KLHDC7B: variants seen among roughly 807,000 people sequenced by gnomAD.
The protein encoded by KLHDC7B is kelch domain containing 7B, also known as kelch domain-containing protein 7B.
KLHDC7B carries 1 observed loss-of-function variant against 0.6 expected under a neutral mutation model. The ratio of observed to expected loss-of-function variants is 1.71; its 90% CI spans 0.61 to 8.11. The LOEUF is 8.11. Among genes scored for constraint, KLHDC7B ranks in the 30% most tolerant of loss-of-function variants. The probability of loss-of-function intolerance (pLI) is 0.13; values close to 1 mark genes in which losing one functional copy is unlikely to be tolerated. For missense variants in KLHDC7B, 993 were observed against 894.9 expected, an observed-to-expected ratio of 1.11 and a Z score of -1.40; for synonymous variants, 462 against 405.2, an observed-to-expected ratio of 1.14 and a Z score of -1.68.
rs2069786639 is a variant in KLHDC7B at position 50,549,801 on chromosome 22, C to T, written c.3558C>T (p.Asn1186=). The T allele has an allele frequency of 6.4e-7, 1 of 1,574,440 alleles. No individual in the cohort carries two copies. The highest frequency in any genetic ancestry group is 1.4e-5 in the African/African-American group (1 of 74,022). Reference sequence around the variant, plus strand: ...TGGGCAACACCATTTACTGCCTCAACCCCCAGGTCACTGCCACCTTCACGG... The same window carrying T: ...TGGGCAACACCATTTACTGCCTCAATCCCCAGGTCACTGCCACCTTCACGG... ...TTLGNTIYCL[N]PQVTATFTVS... is the part of the protein sequence containing the mutation. The change falls in exon 1 of 1, where the codon AAC becomes AAT. Residue 1186 remains asparagine (N), a synonymous_variant. Coordinates refer to ENST00000648057, the MANE Select transcript of KLHDC7B (RefSeq NM_138433.5).
chr22:50,548,523 CTCT>C lies in KLHDC7B; in HGVS notation c.2281_2283del (p.Ser761del). On this transcript the variant is annotated inframe_deletion, in exon 1 of 1. Coordinates refer to ENST00000648057, the MANE Select transcript of KLHDC7B (RefSeq NM_138433.5). The surrounding 1 kb of genome is among the most constrained non-coding windows in gnomAD (Gnocchi z 5.3). ...GGCCGCCTGGCCCCGCGGCCTCCTCCTCTGCGAGGCGCTCACAGCCGGTACCCC... is the reference window on the plus strand; with the variant it reads ...GGCCGCCTGGCCCCGCGGCCTCCTCCGCGAGGCGCTCACAGCCGGTACCCC... The C allele has an allele frequency of 6.4e-7, 1 of 1,554,190 alleles. No homozygotes were observed. The highest frequency in any genetic ancestry group is 8.7e-7 in the Non-Finnish European group (1 of 1,149,338).
In KLHDC7B at chr22:50,549,694, C is replaced by G. The variant is rs750273973; in HGVS notation, c.3451C>G (p.Arg1151Gly). 1 of 1,565,748 alleles carries G rather than the reference C, an allele frequency of 6.4e-7. No homozygotes were observed. Among genetic ancestry groups the G allele is most frequent in the Non-Finnish European group, 8.6e-7 (1 of 1,156,214 alleles). The change falls in exon 1 of 1, where the codon CGC becomes GGC. Residue 1151 changes from arginine to glycine, a missense_variant. Physicochemically the swap from Arg to Gly is moderately radical, Grantham distance 125. Transcript: ENST00000648057. ...GCGGGGCGTGGGCGCCGCCGTGATG[C>G]GCTACAACACAGTGACCGGCTCCTG... ...LLRGVGAAVM[R>G]YNTVTGSWSR...
Position 50,549,511 on chromosome 22 carries a change from C to T in KLHDC7B, c.3268C>T (p.Arg1090Cys), listed in dbSNP as rs747068112. The T allele has an allele frequency of 5.0e-6, 8 of 1,610,958 alleles. No individual in the cohort carries two copies. Among genetic ancestry groups the T allele is most frequent in the Non-Finnish European group, 6.8e-6 (8 of 1,178,784 alleles). The part of the protein sequence containing the change: ...FPVAHEAVAC[R>C]GDIYVTGGHL... Reference sequence around the variant, plus strand: ...TGTGGCCCACGAGGCTGTGGCCTGCCGTGGGGACATCTACGTCACCGGGGG... The same window carrying T: ...TGTGGCCCACGAGGCTGTGGCCTGCTGTGGGGACATCTACGTCACCGGGGG... Residue 1090 changes from arginine (R) to cysteine (C), a missense_variant, in exon 1 of 1, where the codon CGT (arginine) becomes TGT (cysteine). Arg to Cys is a radical substitution (Grantham distance 180). Coordinates refer to ENST00000648057, the MANE Select transcript of KLHDC7B (RefSeq NM_138433.5).
Position 50,546,098 on chromosome 22 carries a change from G to C in KLHDC7B, c.-146G>C, listed in dbSNP as rs1374611132. ...ACCCCCAGGCCTGAGTGCAAGCAGA[G>C]ACCCCACCATTCCCAGGCCCTGGAG... is the stretch of plus-strand genomic sequence containing the variant. On this transcript the variant is annotated 5_prime_UTR_variant, in exon 1 of 1. Coordinates refer to ENST00000648057, the MANE Select transcript of KLHDC7B (RefSeq NM_138433.5). Among the ~76,000 whole-genome samples the C allele has an allele frequency of 6.6e-6, 1 of 152,280 alleles. No individual in the cohort carries two copies. Among genetic ancestry groups the C allele is most frequent in the Non-Finnish European group, 1.5e-5 (1 of 68,010 alleles).
Position 50,548,488 on chromosome 22 carries a change from C to A in KLHDC7B, c.2245C>A (p.Pro749Thr). The change falls in exon 1 of 1, where the codon CCC (proline) becomes ACC (threonine). Residue 749 changes from proline (P) to threonine (T), a missense_variant. Transcript: ENST00000648057. This position sits in a 1 kb window ranked among gnomAD's most constrained non-coding sequence, Gnocchi z 5.3. ...AAMPRGPAQP[P>T]AQRPPGPAAS... ...GATGCCCAGGGGCCCCGCACAGCCC[C>A]CCGCGCAGAGGCCGCCTGGCCCCGC... The A allele has an allele frequency of 6.4e-7, 1 of 1,569,740 alleles. No homozygotes were observed. The highest frequency in any genetic ancestry group is 2.3e-5 in the East Asian group (1 of 43,076).
Position 50,546,466 on chromosome 22 carries a change from G to A in KLHDC7B, c.223G>A (p.Ala75Thr). ...TCATCAGGCAGGAGGAGCTGAGCTG[G>A]CCCTGCAACCGAAGTCTAAGGTCAG... ...QPHQAGGAEL[A>T]LQPKSKVSDG... Residue 75 changes from alanine to threonine, a missense_variant, in exon 1 of 1, where the codon GCC (alanine) becomes ACC (threonine). Transcript: ENST00000648057. 2.5e-6 allele frequency: 1 copy of A among 399,452 alleles called. No homozygotes were observed. Among genetic ancestry groups the A allele is most frequent in the Non-Finnish European group, 4.4e-6 (1 of 226,414 alleles). 24.7% of individuals were successfully genotyped at this position (399,452 alleles called of 1,614,324 possible).
Position 50,549,423 on chromosome 22 carries a change from G to A in KLHDC7B, c.3180G>A (p.Glu1060=). 2 of 1,612,766 alleles carry A rather than the reference G, an allele frequency of 1.2e-6. No homozygotes were observed. The highest frequency in any genetic ancestry group is 1.6e-4 in the Middle Eastern group (1 of 6,062). ...AIGGECLYSM[E]CYDPRTDAWT... is the part of the protein sequence containing the mutation. Reference sequence around the variant, plus strand: ...GTGGCGAATGCCTGTACAGCATGGAGTGCTACGACCCGCGAACAGACGCCT... The same window carrying A: ...GTGGCGAATGCCTGTACAGCATGGAATGCTACGACCCGCGAACAGACGCCT... Residue 1060 remains glutamate (E), a synonymous_variant, in exon 1 of 1, where the codon GAG becomes GAA. Transcript: ENST00000648057.
Position 50,549,106 on chromosome 22 carries a change from G to A in KLHDC7B, c.2863G>A (p.Val955Met). 2 of 1,601,332 alleles carry A rather than the reference G, an allele frequency of 1.2e-6. No individual in the cohort carries two copies. Among genetic ancestry groups the A allele is most frequent in the Non-Finnish European group, 1.7e-6 (2 of 1,179,692 alleles). ...RGEEPPAAAP[V>M]SLPLPAHLHV... The stretch of plus-strand genomic sequence containing the variant: ...CGAGGAGCCTCCTGCGGCGGCCCCT[G>A]TGTCCCTGCCTCTACCTGCGCACCT... Residue 955 changes from valine to methionine, a missense_variant, in exon 1 of 1, where the codon GTG (valine) becomes ATG (methionine). Coordinates refer to ENST00000648057, the MANE Select transcript of KLHDC7B (RefSeq NM_138433.5).
chr22:50,550,319 G>C lies in KLHDC7B; in HGVS notation c.*368G>C, dbSNP rs1436328361. On this transcript the variant is annotated 3_prime_UTR_variant, in exon 1 of 1. Transcript: ENST00000648057. ...GCTCTGCTGAGCCGAGAGAGGAGGG[G>C]GTAGAAAACATTCACACTTCCTATG... is the stretch of plus-strand genomic sequence containing the variant. 1 of 255,204 alleles carries C rather than the reference G, an allele frequency of 3.9e-6. No individual in the cohort carries two copies. Among genetic ancestry groups the C allele is most frequent in the Admixed American group, 5.5e-5 (1 of 18,238 alleles). The allele number at this position is 255,204 out of a possible 1,614,324, so 15.8% of individuals were successfully genotyped here. A position where few individuals can be genotyped will look rare whatever the true frequency, so the allele number is the denominator to read the frequency against.
In KLHDC7B at chr22:50,548,102, G is replaced by C. The variant is rs2069754491; in HGVS notation, c.1859G>C (p.Ser620Thr). The C allele has an allele frequency of 6.9e-7, 1 of 1,441,756 alleles. No homozygotes were observed. Among genetic ancestry groups the C allele is most frequent in the South Asian group, 1.4e-5 (1 of 69,322 alleles). 89.3% of individuals were successfully genotyped at this position (1,441,756 alleles called of 1,614,324 possible). ...GCTGACGGGTCAAAGCCTCAGGAGAGTGTGGCTCTCCCCAGGCGCTACCAG... is the reference window on the plus strand; with the variant it reads ...GCTGACGGGTCAAAGCCTCAGGAGACTGTGGCTCTCCCCAGGCGCTACCAG... ...APADGSKPQESVALPRRYQEG... is the reference protein window; with the variant it reads ...APADGSKPQETVALPRRYQEG... The change falls in exon 1 of 1, where the codon AGT becomes ACT. Residue 620 changes from serine (S) to threonine (T), a missense_variant. Transcript: ENST00000648057. The surrounding 1 kb of genome is among the most constrained non-coding windows in gnomAD (Gnocchi z 5.3).
rs1377069646 is a variant in KLHDC7B at position 50,549,148 on chromosome 22, C to T, written c.2905C>T (p.Arg969Trp). The change falls in exon 1 of 1, where the codon CGG becomes TGG. Residue 969 changes from arginine (R) to tryptophan (W), a missense_variant. Arg to Trp is a moderately radical substitution (Grantham distance 101). Coordinates refer to ENST00000648057, the MANE Select transcript of KLHDC7B (RefSeq NM_138433.5). ...TGCGCACCTGCATGTGTTCAACCCCCGGGAGAACACCTGGCGGCCCCTGAC... is the reference window on the plus strand; with the variant it reads ...TGCGCACCTGCATGTGTTCAACCCCTGGGAGAACACCTGGCGGCCCCTGAC... ...LPAHLHVFNP[R>W]ENTWRPLTQV... 2 of 1,604,000 alleles carry T rather than the reference C, an allele frequency of 1.2e-6. No individual in the cohort carries two copies. Among genetic ancestry groups the T allele is most frequent in the African/African-American group, 2.7e-5 (2 of 75,054 alleles).
At position 50,548,201 on chromosome 22, in the gene KLHDC7B, A is replaced by G. The variant is rs1481608942; in HGVS notation, c.1958A>G (p.Asp653Gly). 6.5e-7 allele frequency: 1 copy of G among 1,537,128 alleles called. No homozygotes were observed. The highest frequency in any genetic ancestry group is 1.4e-5 in the African/African-American group (1 of 72,678). The change falls in exon 1 of 1, where the codon GAC (aspartate) becomes GGC (glycine). Residue 653 changes from aspartate to glycine, a missense_variant. Asp to Gly is a moderately conservative substitution (Grantham distance 94, BLOSUM62 -1). Transcript: ENST00000648057. The surrounding 1 kb of genome is among the most constrained non-coding windows in gnomAD (Gnocchi z 5.3). Reference sequence around the variant, plus strand: ...AGAAGCCACCCCTTCCCCAGGCAAGACAGGCCCCAAGGGAGTGTCCCGAGG... The same window carrying G: ...AGAAGCCACCCCTTCCCCAGGCAAGGCAGGCCCCAAGGGAGTGTCCCGAGG... The part of the protein sequence containing the change: ...VLRSHPFPRQ[D>G]RPQGSVPRAV...
chr22:50,548,168 T>C lies in KLHDC7B; in HGVS notation c.1925T>C (p.Met642Thr). The C allele has an allele frequency of 6.6e-7, 1 of 1,508,038 alleles. No homozygotes were observed. The highest frequency in any genetic ancestry group is 8.9e-7 in the Non-Finnish European group (1 of 1,123,102). 93.4% of individuals were successfully genotyped at this position (1,508,038 alleles called of 1,614,324 possible). A position where few individuals can be genotyped will look rare whatever the true frequency, so the allele number is the denominator to read the frequency against. ...GCCAGCTGGGGAAACCTTATTGCCA[T>C]GGTTCTTAGAAGCCACCCCTTCCCC... ...VSASWGNLIA[M>T]VLRSHPFPRQ... The change falls in exon 1 of 1, where the codon ATG becomes ACG. Residue 642 changes from methionine to threonine, a missense_variant. By Grantham distance (81) the Met-to-Thr change is moderately conservative. Transcript: ENST00000648057. This position sits in a 1 kb window ranked among gnomAD's most constrained non-coding sequence, Gnocchi z 5.3.
At position 50,548,953 on chromosome 22, in the gene KLHDC7B, C is replaced by T. The variant is rs1459319946; in HGVS notation, c.2710C>T (p.Leu904=). ...GGGAGACCCGTGCCTCTACCGCCGG[C>T]TGAGCGCGGCCGACCGCGAGCGCAT... is the stretch of plus-strand genomic sequence containing the variant. The part of the protein sequence containing the change: ...VLGDPCLYRR[L]SAADRERILS... The change falls in exon 1 of 1, where the codon CTG becomes TTG. Residue 904 remains leucine, a synonymous_variant. Coordinates refer to ENST00000648057, the MANE Select transcript of KLHDC7B (RefSeq NM_138433.5). The surrounding 1 kb of genome is among the most constrained non-coding windows in gnomAD (Gnocchi z 5.3). 3.8e-6 allele frequency: 6 copies of T among 1,597,386 alleles called. No homozygotes were observed. The highest frequency in any genetic ancestry group is 5.1e-6 in the Non-Finnish European group (6 of 1,173,852).
chr22:50,548,366 G>T lies in KLHDC7B; in HGVS notation c.2123G>T (p.Ser708Ile). 1 of 1,551,500 alleles carries T rather than the reference G, an allele frequency of 6.4e-7. No homozygotes were observed. Among genetic ancestry groups the T allele is most frequent in the Non-Finnish European group, 8.7e-7 (1 of 1,147,214 alleles). The stretch of plus-strand genomic sequence containing the variant: ...GCTGGAGGTCAGCCACAGCCAAGAA[G>T]CTCCGAGACCAACGGATCGCCCAGC... ...VEAGGQPQPR[S>I]SETNGSPSPD... Residue 708 changes from serine to isoleucine, a missense_variant, in exon 1 of 1, where the codon AGC (serine) becomes ATC (isoleucine). Ser to Ile is a moderately radical substitution (Grantham distance 142). Transcript: ENST00000648057. The surrounding 1 kb of genome is among the most constrained non-coding windows in gnomAD (Gnocchi z 5.3).
Position 50,548,595 on chromosome 22 carries a change from G to A in KLHDC7B, c.2352G>A (p.Glu784=). Residue 784 remains glutamate (E), a synonymous_variant, in exon 1 of 1, where the codon GAG becomes GAA. Transcript: ENST00000648057. The surrounding 1 kb of genome is among the most constrained non-coding windows in gnomAD (Gnocchi z 5.3). ...RSRCEIAPSS[E]QEVRPAASGD... ...GGTGCGAAATCGCCCCGAGCTCGGA[G>A]CAGGAGGTCAGGCCGGCCGCCTCGG... The A allele has an allele frequency of 6.5e-7, 1 of 1,545,768 alleles. No homozygotes were observed. Among genetic ancestry groups the A allele is most frequent in the Non-Finnish European group, 8.7e-7 (1 of 1,146,486 alleles).
In KLHDC7B at chr22:50,546,580, G is replaced by A. The variant is rs368891025; in HGVS notation, c.337G>A (p.Gly113Ser). Residue 113 changes from glycine (G) to serine (S), a missense_variant, in exon 1 of 1, where the codon GGC becomes AGC. Transcript: ENST00000648057. ...GAGCCCTGTCCCTGCTGCAGCGCCG[G>A]GCGGGGGCCTGGCCGCCATGGCCCG... is the stretch of plus-strand genomic sequence containing the variant. The part of the protein sequence containing the change: ...QQSPVPAAAP[G>S]GGLAAMARLP... 7.5e-6 allele frequency: 3 copies of A among 398,146 alleles called. No individual in the cohort carries two copies. The allele number at this position is 398,146 out of a possible 1,614,324, so 24.7% of individuals were successfully genotyped here. A position where few individuals can be genotyped will look rare whatever the true frequency, so the allele number is the denominator to read the frequency against.
At position 50,548,733 on chromosome 22, in the gene KLHDC7B, CG is replaced by C; in HGVS notation, c.572del (p.Gly191ValfsTer55). On this transcript the variant is annotated frameshift_variant, in exon 1 of 1. Coordinates refer to the KLHDC7B transcript ENST00000395676. LOFTEE classifies it low-confidence loss of function (END_TRUNC). The surrounding 1 kb of genome is among the most constrained non-coding windows in gnomAD (Gnocchi z 5.3). ...AGCTCATGGTGTTTCTGCAGAGGCC[CG>C]GGGGTTGGGGGGTGGTGGAGGGGCC... The C allele has an allele frequency of 1.3e-5, 19 of 1,476,242 alleles. No individual in the cohort carries two copies. Among genetic ancestry groups the C allele is most frequent in the Non-Finnish European group, 1.6e-5 (18 of 1,116,288 alleles). 91.4% of individuals were successfully genotyped at this position (1,476,242 alleles called of 1,614,324 possible).
chr22:50,548,813 G>C lies in KLHDC7B; in HGVS notation c.2570G>C (p.Arg857Pro), dbSNP rs763557562. The change falls in exon 1 of 1, where the codon CGG becomes CCG. Residue 857 changes from arginine to proline, a missense_variant. Arg to Pro is a moderately radical substitution (Grantham distance 103, BLOSUM62 -2). Coordinates refer to ENST00000648057, the MANE Select transcript of KLHDC7B (RefSeq NM_138433.5). This position sits in a 1 kb window ranked among gnomAD's most constrained non-coding sequence, Gnocchi z 5.3. ...CCCGCCACGGCGGCAGCCCTGCGGC[G>C]GCGGCTGGACCTGGGCAGTTGCCTG... Reference protein sequence around the residue: ...LEPATAAALRRRLDLGSCLDV... With the variant: ...LEPATAAALRPRLDLGSCLDV... The C allele has an allele frequency of 6.7e-7, 1 of 1,485,100 alleles. No individual in the cohort carries two copies. Among genetic ancestry groups the C allele is most frequent in the South Asian group, 1.3e-5 (1 of 76,498 alleles). The allele number at this position is 1,485,100 out of a possible 1,614,324, so 92.0% of individuals were successfully genotyped here.
Sources: allele counts gnomAD v4.1 joint callset (sites outside exome capture counted in the v4.1 genomes callset), GRCh38; gene constraint gnomAD v4.1.1; non-coding constraint Gnocchi (gnomAD v3.1); transcripts MANE v1.5; gene names NCBI Gene and HGNC (gene_info 2026-07-23, HGNC 2026-07-21).